Variants in TMEM150C observed in about 807,000 individuals in gnomAD.
TMEM150C encodes transmembrane protein 150C.
TMEM150C carries 10 observed loss-of-function variants against 29.9 expected under a neutral mutation model. The observed-to-expected ratio is 0.33, with a 90% CI of 0.21 to 0.57. The LOEUF is 0.57. Ranked by LOEUF, TMEM150C falls within the 20% of genes least tolerant of loss-of-function variation. The pLI is 0.88. For missense variants in TMEM150C, 251 were observed against 303.6 expected (o/e 0.83, Z 1.29); for synonymous variants, 101 against 112.5 (o/e 0.90, Z 0.64).
chr4:82,506,561 A>G (rs1281165255), intron 1 of TMEM150C, among the ~76,000 whole-genome samples: 1 of 152,246 alleles, frequency 6.6e-6, no homozygotes, highest in Non-Finnish European at 1.5e-5. Context: ...GCCAGGTACT[A>G]TATCAGGTGG....
intron 7 of TMEM150C, among the ~76,000 whole-genome samples, chr4:82,488,228 G>A (rs1402876497): frequency 2.6e-5 from 4 of 152,128 alleles, no homozygotes; most frequent in African/African-American, 9.7e-5. Context: ...TTAGAATAAT[G>A]GTCTCCAATT....
At chr4:82,511,501 G>GTTT (rs1553906893) in intron 1 of TMEM150C, among the ~76,000 whole-genome samples, 1 of 87,128 alleles carries the variant, frequency 1.1e-5, no homozygotes, top group African/African-American at 5.8e-5. Context: ...TTGAGATAGG[G>GTTT]TTTCACTCTG....
intron 1 of TMEM150C, among the ~76,000 whole-genome samples, chr4:82,527,364 C>A (rs995586361): frequency 1.3e-5 from 2 of 152,142 alleles, no homozygotes; most frequent in African/African-American, 4.8e-5. Flanking sequence ...AGCTCGCACA[C>A]GTACTTGTTT....
chr4:82,505,272 C>T (rs1308510797), intron 1 of TMEM150C, among the ~76,000 whole-genome samples: 2 of 152,066 alleles, frequency 1.3e-5, no homozygotes, highest in African/African-American at 4.8e-5. Context: ...GTCTTGAACT[C>T]CTGGCCCAAA....
intron 1 of TMEM150C, among the ~76,000 whole-genome samples, chr4:82,515,265 T>C (rs1724254705): frequency 6.6e-6 from 1 of 152,208 alleles, no homozygotes; most frequent in Non-Finnish European, 1.5e-5. Flanking sequence ...ACCTTTGACA[T>C]ATACAATTTT....
In TMEM150C at chr4:82,502,585, AAG is replaced by A. The variant is rs1425624079; in HGVS notation, c.235+140_235+141del. ...ACGAGAGAAAAAGACCTTTAAGACA[AAG>A]AGCTGGCTTCAGCATATTGACATCG... On this transcript the variant is annotated intron_variant, in intron 5 of 7. Transcript: ENST00000449862. 176 of 770,606 alleles carry A rather than the reference AAG, an allele frequency of 2.3e-4. 1 individual carries two copies. In the South Asian group the frequency reaches 3.4e-3, roughly 15 times the overall value. 47.7% of individuals were successfully genotyped at this position (770,606 alleles called of 1,614,324 possible).
intron 7 of TMEM150C, among the ~76,000 whole-genome samples, chr4:82,489,179 T>A (rs1723254436): frequency 6.6e-6 from 1 of 151,622 alleles, no homozygotes; most frequent in Admixed American, 6.6e-5. Context: ...TGAACACTTC[T>A]GATTACTCCA....
chr4:82,501,225 T>C (rs902921561), intron 5 of TMEM150C, among the ~76,000 whole-genome samples: 1 of 152,216 alleles, frequency 6.6e-6, no homozygotes, highest in African/African-American at 2.4e-5. Context: ...ATAAAGCTCC[T>C]GGCAGCTCTG....
At chr4:82,517,790 C>T (rs1724339532) in intron 1 of TMEM150C, among the ~76,000 whole-genome samples, 1 of 152,128 alleles carries the variant, frequency 6.6e-6, no homozygotes, top group South Asian at 2.1e-4. Context: ...TCCATAATTG[C>T]CTAAGCCAAT....
intron 1 of TMEM150C, among the ~76,000 whole-genome samples, chr4:82,514,219 G>A (rs1250390901): frequency 6.6e-6 from 1 of 152,256 alleles, no homozygotes; most frequent in Non-Finnish European, 1.5e-5. Context: ...GCCGGGGCAA[G>A]GGGCCTTCCC....
chr4:82,491,912 G>A (rs1278768003), intron 6 of TMEM150C, among the ~76,000 whole-genome samples: 1 of 151,140 alleles, frequency 6.6e-6, no homozygotes, highest in East Asian at 1.9e-4. Flanking sequence ...AAACTGGCCC[G>A]TCTATGTAAT....
intron 1 of TMEM150C, among the ~76,000 whole-genome samples, chr4:82,546,980 A>G (rs1725405717): frequency 6.6e-6 from 1 of 152,174 alleles, no homozygotes; most frequent in Admixed American, 6.5e-5. Flanking sequence ...CAGGACATCA[A>G]CCTTGGGAAA....
intron 1 of TMEM150C, among the ~76,000 whole-genome samples, chr4:82,552,531 C>T (rs992711023): frequency 1.3e-5 from 2 of 152,144 alleles, no homozygotes; most frequent in African/African-American, 2.4e-5. Context: ...CCCATCTGCC[C>T]ATAAGCTTGC....
chr4:82,516,073 A>G (rs1366460274), intron 1 of TMEM150C, among the ~76,000 whole-genome samples: 1 of 152,164 alleles, frequency 6.6e-6, no homozygotes, highest in Non-Finnish European at 1.5e-5. Context: ...CCAAACATGA[A>G]GCAAACCAGA....
intron 1 of TMEM150C, among the ~76,000 whole-genome samples, chr4:82,540,468 G>C (rs191408769): frequency 6.6e-6 from 1 of 151,138 alleles, no homozygotes; most frequent in East Asian, 1.9e-4. Context: ...AAAACTGAAG[G>C]GTGTTTTCTT....
intron 7 of TMEM150C, 40 bp from the exon 8 acceptor site, chr4:82,485,759 C>T (rs1444225472): frequency 5.2e-6 from 8 of 1,536,772 alleles, no homozygotes; most frequent in Non-Finnish European, 7.1e-6. Context: ...TCATCAGCCA[C>T]ATTAAAACTG....
At chr4:82,525,817 C>G (rs1471157198) in intron 1 of TMEM150C, among the ~76,000 whole-genome samples, 1 of 152,114 alleles carries the variant, frequency 6.6e-6, no homozygotes, top group Admixed American at 6.5e-5. Context: ...TAAAACCGTC[C>G]TTGCCCAAGG....
Position 82,561,962 on chromosome 4 carries a change from G to A in TMEM150C, c.-67C>T. The A allele has an allele frequency of 9.1e-7, 1 of 1,104,020 alleles. No individual in the cohort carries two copies. Among genetic ancestry groups the A allele is most frequent in the African/African-American group, 1.7e-5 (1 of 57,932 alleles). 68.4% of individuals were successfully genotyped at this position (1,104,020 alleles called of 1,614,324 possible). On this transcript the variant is annotated 5_prime_UTR_variant, in exon 1 of 8. Transcript: ENST00000449862. The stretch of plus-strand genomic sequence containing the variant: ...CGAGGGGCTGTGACCTGCTGCGGTG[G>A]CGGCGGCGGCAGCAGTAGCGGCGGG...
intron 2 of TMEM150C, 82 bp downstream of exon 2, chr4:82,504,496 C>T (rs903679396): frequency 1.5e-5 from 18 of 1,201,836 alleles, no homozygotes; most frequent in African/African-American, 4.5e-5. Context: ...CCACCGTGCC[C>T]GGCTGCCATA....
Sources: allele counts gnomAD v4.1 joint callset (sites outside exome capture counted in the v4.1 genomes callset), GRCh38; gene constraint gnomAD v4.1.1; transcripts MANE v1.5; gene names NCBI Gene and HGNC (gene_info 2026-07-23, HGNC 2026-07-21).